RFTN2: variants seen among roughly 807,000 people sequenced by gnomAD.
The protein encoded by RFTN2 is raftlin-2.
RFTN2 carries 34 observed loss-of-function variants against 52.7 expected under a neutral mutation model. The observed-to-expected ratio is 0.64, with a 90% confidence interval of 0.49 to 0.86. RFTN2 has a LOEUF of 0.86. Among genes scored for constraint, RFTN2 ranks in the 40% least tolerant of loss-of-function variants. The pLI is 0.00. For missense variants in RFTN2, 536 were observed against 600.1 expected (o/e 0.89, Z 1.12); for synonymous variants, 203 against 217.7 (o/e 0.93, Z 0.59).
At chr2:197,576,355 A>G (rs1343961515) in intron 8 of RFTN2, among the ~76,000 whole-genome samples, 2 of 152,130 alleles carry the variant, frequency 1.3e-5, no homozygotes, top group Non-Finnish European at 2.9e-5. Context: ...TACTGATAAC[A>G]TGGCAGATAT....
At chr2:197,588,034 GAGT>G in intron 8 of RFTN2, 1 of 468,658 alleles carries the variant, frequency 2.1e-6, no homozygotes, top group Non-Finnish European at 4.4e-6. Flanking sequence ...GCAAAAATAT[GAGT>G]AGATTTGCTG....
chr2:197,582,469 T>C (rs1353128498), intron 8 of RFTN2, among the ~76,000 whole-genome samples: 2 of 152,228 alleles, frequency 1.3e-5, no homozygotes, highest in East Asian at 1.9e-4. Flanking sequence ...GGTTTATCGA[T>C]GGCAGTTCTA....
intron 1 of RFTN2, among the ~76,000 whole-genome samples, chr2:197,670,715 A>G (rs1208995685): frequency 2.0e-5 from 3 of 147,970 alleles, no homozygotes; most frequent in African/African-American, 7.5e-5. Flanking sequence ...AAATTTTCAC[A>G]GTCAGCTGTG....
At chr2:197,589,589 C>T (rs895180528) in intron 8 of RFTN2, among the ~76,000 whole-genome samples, 2 of 152,132 alleles carry the variant, frequency 1.3e-5, no homozygotes, top group Non-Finnish European at 2.9e-5. Context: ...TATGAGTTTT[C>T]ATTTGCACTT....
intron 8 of RFTN2, among the ~76,000 whole-genome samples, chr2:197,582,910 C>T (rs1025600497): frequency 3.3e-5 from 5 of 152,128 alleles, no homozygotes; most frequent in Non-Finnish European, 5.9e-5. Flanking sequence ...CTGTCCCTCA[C>T]GGCCAGTTTT....
intron 1 of RFTN2, among the ~76,000 whole-genome samples, chr2:197,665,500 AT>A (rs1193450606): frequency 3.5e-5 from 2 of 56,596 alleles, no homozygotes; most frequent in Non-Finnish European, 6.8e-5. Flanking sequence ...TGATTCCTTT[AT>A]CATTATGTAC....
chr2:197,663,493 T>G (rs1183545366), intron 1 of RFTN2, among the ~76,000 whole-genome samples: 1 of 152,238 alleles, frequency 6.6e-6, no homozygotes, highest in African/African-American at 2.4e-5. Flanking sequence ...CATTACTGAT[T>G]TAATCTTGCT....
chr2:197,609,724 T>G (rs2088025219), intron 7 of RFTN2, among the ~76,000 whole-genome samples: 1 of 152,190 alleles, frequency 6.6e-6, no homozygotes, highest in Non-Finnish European at 1.5e-5. Flanking sequence ...TTGCCCAGGT[T>G]TTCTTCTAGG....
chr2:197,628,978 A>G (rs2088414932), intron 5 of RFTN2, among the ~76,000 whole-genome samples: 1 of 152,182 alleles, frequency 6.6e-6, no homozygotes, highest in African/African-American at 2.4e-5. Flanking sequence ...TGCTATTGCT[A>G]TAAAAGACCA....
In RFTN2 at chr2:197,592,067, A is replaced by G. The variant is rs1574688737; in HGVS notation, c.1233+3924T>C. Among the ~76,000 whole-genome samples the G allele has an allele frequency of 2.6e-5, 4 of 152,252 alleles. No homozygotes were observed. The East Asian group carries it at 7.7e-4, about 29-fold the overall frequency. ...GCCAGAGTGGGCGCCCAGGCTGAGG[A>G]GGCGCGGAGAGTGAGTGAGGGCTGC... On this transcript the variant is annotated intron_variant, in intron 8 of 8. Transcript: ENST00000295049.
At chr2:197,614,393 T>C (rs1184286105) in intron 7 of RFTN2, among the ~76,000 whole-genome samples, 1 of 152,134 alleles carries the variant, frequency 6.6e-6, no homozygotes, top group African/African-American at 2.4e-5. Context: ...AAGATGATCA[T>C]CTTCCCACTG....
intron 1 of RFTN2, 43 bp from the exon 2 acceptor site, chr2:197,646,709 T>C (rs780424901): frequency 2.7e-6 from 4 of 1,457,688 alleles, no homozygotes; most frequent in Middle Eastern, 2.2e-4. Context: ...ATTCTTAAGA[T>C]TGAATTATAC....
At chr2:197,650,877 T>A (rs531560409) in intron 1 of RFTN2, among the ~76,000 whole-genome samples, 1 of 152,236 alleles carries the variant, frequency 6.6e-6, no homozygotes, top group Non-Finnish European at 1.5e-5. Context: ...TATTGTTTTC[T>A]ATGATGGCTG....
At chr2:197,608,623 CTTTTTTTTT>C (rs57681105) in intron 7 of RFTN2, among the ~76,000 whole-genome samples, 8 of 99,494 alleles carry the variant, frequency 8.0e-5, no homozygotes, top group South Asian at 3.4e-4. Flanking sequence ...TGGGACCAGA[CTTTTTTTTT>C]TTTTTTTTTT....
chr2:197,599,512 AAG>A (rs1355070657), intron 7 of RFTN2, among the ~76,000 whole-genome samples: 3 of 152,092 alleles, frequency 2.0e-5, no homozygotes. Context: ...GAGAAGGAGA[AAG>A]AGGAAGGAGG....
intron 5 of RFTN2, among the ~76,000 whole-genome samples, chr2:197,618,918 G>A (rs1213040156): frequency 1.3e-5 from 2 of 151,630 alleles, no homozygotes; most frequent in Admixed American, 6.6e-5. Flanking sequence ...AGTGAGGAGC[G>A]TCTCTGCCCG....
intron 6 of RFTN2, among the ~76,000 whole-genome samples, chr2:197,617,271 T>G (rs531227796): frequency 6.6e-6 from 1 of 152,356 alleles, no homozygotes; most frequent in South Asian, 2.1e-4. Context: ...TTAAAATTTT[T>G]GGGAACTTAC....
In RFTN2 at chr2:197,646,569, A is replaced by G; in HGVS notation, c.237T>C (p.Ile79=). ...GCCCCACAGGTTGTATAACAGGATG[A>G]ATAGCCCCGACAATATATCCTTTAA... ...YYLKGYIVGA[I]HPVIQPVGQR... is the part of the protein sequence containing the mutation. The change falls in exon 2 of 9, where the codon ATT becomes ATC. Residue 79 remains isoleucine, a synonymous_variant. Transcript: ENST00000295049. 6.2e-7 allele frequency: 1 copy of G among 1,613,234 alleles called. No homozygotes were observed. The highest frequency in any genetic ancestry group is 1.7e-5 in the Admixed American group (1 of 60,030).
intron 7 of RFTN2, among the ~76,000 whole-genome samples, chr2:197,597,099 G>C (rs181816594): frequency 2.0e-5 from 3 of 152,084 alleles, no homozygotes; most frequent in African/African-American, 7.2e-5. Flanking sequence ...TGAAACTCTG[G>C]CTTTAGAGTT....
Sources: allele counts gnomAD v4.1 joint callset (sites outside exome capture counted in the v4.1 genomes callset), GRCh38; gene constraint gnomAD v4.1.1; transcripts MANE v1.5; gene names NCBI Gene and HGNC (gene_info 2026-07-23, HGNC 2026-07-21).